The following HMGA2 variants were observed in gnomAD, a reference collection of about 807,000 sequenced individuals.
The protein encoded by HMGA2 is high mobility group AT-hook 2, also known as high mobility group protein HMGI-C.
In HMGA2, 8 loss-of-function variants were observed where a neutral mutation model predicts 19.1. The observed-to-expected ratio is 0.42, with a 90% CI of 0.25 to 0.76. The LOEUF (loss-of-function observed/expected upper bound fraction) is 0.76, where lower values mean the gene tolerates loss of function less well. Among genes scored for constraint, HMGA2 ranks in the 30% least tolerant of loss-of-function variants. HMGA2 has a pLI of 0.28. For missense variants in HMGA2, 109 were observed against 136.3 expected, an observed-to-expected ratio of 0.80 and a Z score of 1.00; for synonymous variants, 60 against 48.8, an observed-to-expected ratio of 1.23 and a Z score of -0.96.
rs1465887974 is a variant in HMGA2 at position 65,832,453 on chromosome 12, AT to A, written c.198+4370del. Among the ~76,000 whole-genome samples, 5 of 152,078 alleles carry A rather than the reference AT, an allele frequency of 3.3e-5. No individual in the cohort carries two copies. In the East Asian group the frequency reaches 9.7e-4, roughly 29 times the overall value. On this transcript the variant is annotated intron_variant, in intron 2 of 4. Coordinates refer to ENST00000403681, the MANE Select transcript of HMGA2 (RefSeq NM_003483.6). Reference sequence around the variant, plus strand: ...TTTTATCTCAAGTTCTCAACAGATCATTTTGCTAAGGAGATAGAATATACCA... The same window carrying A: ...TTTTATCTCAAGTTCTCAACAGATCATTTGCTAAGGAGATAGAATATACCA...
chr12:65,917,687 A>T (rs893284090), intron 3 of HMGA2, among the ~76,000 whole-genome samples: 1 of 152,212 alleles, frequency 6.6e-6, no homozygotes, highest in African/African-American at 2.4e-5. Context: ...AGGAAAGAGC[A>T]GTAAGAACTG....
At chr12:65,912,141 C>T (rs2121214613) in intron 3 of HMGA2, among the ~76,000 whole-genome samples, 1 of 152,152 alleles carries the variant, frequency 6.6e-6, no homozygotes, top group South Asian at 2.1e-4. Context: ...AGTTTGCAAC[C>T]CTTACCATAC....
intron 4 of HMGA2, chr12:65,956,323 G>A (rs1351297060): frequency 3.9e-5 from 6 of 152,162 alleles, no homozygotes; most frequent in Non-Finnish European, 8.8e-5. Context: ...TAAGTTGCAC[G>A]GTTTTGTTGT....
intron 3 of HMGA2, among the ~76,000 whole-genome samples, chr12:65,894,221 C>T (rs1788727849): frequency 6.6e-6 from 1 of 152,170 alleles, no homozygotes; most frequent in Non-Finnish European, 1.5e-5. Context: ...TTTTAAAACT[C>T]TACCATCTGC....
chr12:65,878,474 T>A (rs558759540), intron 3 of HMGA2, among the ~76,000 whole-genome samples: 1 of 152,362 alleles, frequency 6.6e-6, no homozygotes, highest in East Asian at 1.9e-4. Flanking sequence ...ACACTTTTTC[T>A]TTTGGGTCAT....
chr12:65,882,192 T>A (rs750071694), intron 3 of HMGA2: 7 of 356,900 alleles, frequency 2.0e-5, no homozygotes, highest in Non-Finnish European at 3.3e-5. Context: ...GGTAGGAGGA[T>A]CATGTGCTGC....
intron 3 of HMGA2, among the ~76,000 whole-genome samples, chr12:65,869,900 G>C (rs1327451181): frequency 6.6e-6 from 1 of 152,048 alleles, no homozygotes; most frequent in Non-Finnish European, 1.5e-5. Flanking sequence ...AGACTCTAAA[G>C]TCCATGATTT....
At chr12:65,906,025 C>T (rs953409598) in intron 3 of HMGA2, among the ~76,000 whole-genome samples, 1 of 152,140 alleles carries the variant, frequency 6.6e-6, no homozygotes, top group Non-Finnish European at 1.5e-5. Flanking sequence ...CTTAAAACAG[C>T]GAACAAGCTG....
At chr12:65,954,166 A>G (rs1446962058) in intron 4 of HMGA2, 2 of 152,202 alleles carry the variant, frequency 1.3e-5, no homozygotes, top group Admixed American at 1.3e-4. Flanking sequence ...TCCCAAGAAC[A>G]TTACAAGAGA....
At chr12:65,848,816 A>T (rs1182268377) in intron 3 of HMGA2, among the ~76,000 whole-genome samples, 1 of 152,106 alleles carries the variant, frequency 6.6e-6, no homozygotes, top group Admixed American at 6.5e-5. Flanking sequence ...AGATTGCGCC[A>T]CTGCAGTCCG....
intron 3 of HMGA2, among the ~76,000 whole-genome samples, chr12:65,863,738 G>A (rs916846555): frequency 1.3e-5 from 2 of 152,184 alleles, no homozygotes; most frequent in Non-Finnish European, 2.9e-5. Context: ...TCACTGACTA[G>A]GGAATGTTGT....
rs982321099 is a variant in HMGA2 at position 65,848,771 on chromosome 12, G to A, written c.249+10202G>A. ...CTCGGGAGGCTGAGGCAGGAGAATG[G>A]CGTGAACCCGGGAGGCGGAGCTTGC... is the stretch of plus-strand genomic sequence containing the variant. On this transcript the variant is annotated intron_variant, in intron 3 of 4. Coordinates refer to ENST00000403681, the MANE Select transcript of HMGA2 (RefSeq NM_003483.6). 4.9e-4 allele frequency among the ~76,000 whole-genome samples: 74 copies of A among 152,240 alleles called. 1 individual carries two copies. The highest frequency in any genetic ancestry group is 1.7e-3 in the African/African-American group (70 of 41,532).
intron 3 of HMGA2, among the ~76,000 whole-genome samples, chr12:65,941,680 T>C (rs1876096135): frequency 6.6e-6 from 1 of 152,216 alleles, no homozygotes; most frequent in South Asian, 2.1e-4. Flanking sequence ...AAAATCATGA[T>C]TCAGCTTTTT....
At chr12:65,870,902 G>T (rs1419138390) in intron 3 of HMGA2, among the ~76,000 whole-genome samples, 1 of 152,184 alleles carries the variant, frequency 6.6e-6, no homozygotes, top group African/African-American at 2.4e-5. Context: ...TGAGGGGGTG[G>T]ATGTGGACAG....
chr12:65,893,580 G>C (rs1275540303), intron 3 of HMGA2, among the ~76,000 whole-genome samples: 2 of 152,158 alleles, frequency 1.3e-5, no homozygotes, highest in Admixed American at 1.3e-4. Flanking sequence ...AAACATTGTA[G>C]GGTTTCAGAG....
At chr12:65,865,290 G>C (rs1241816503) in intron 3 of HMGA2, among the ~76,000 whole-genome samples, 1 of 152,082 alleles carries the variant, frequency 6.6e-6, no homozygotes, top group Non-Finnish European at 1.5e-5. Context: ...ATTTTTGTTG[G>C]ATTTCTGACT....
intron 3 of HMGA2, among the ~76,000 whole-genome samples, chr12:65,937,894 A>G (rs991987239): frequency 2.0e-5 from 3 of 152,172 alleles, no homozygotes; most frequent in African/African-American, 7.2e-5. Context: ...CAGCACAGAG[A>G]ATAGTAAAAT....
intron 3 of HMGA2, among the ~76,000 whole-genome samples, chr12:65,944,104 T>C (rs2121297254): frequency 6.6e-6 from 1 of 152,282 alleles, no homozygotes; most frequent in South Asian, 2.1e-4. Context: ...TCCTTCAAAC[T>C]TCAGATATAT....
chr12:65,922,260 GC>G (rs1875342050), intron 3 of HMGA2, among the ~76,000 whole-genome samples: 1 of 152,160 alleles, frequency 6.6e-6, no homozygotes, highest in Admixed American at 6.5e-5. Flanking sequence ...CTCAACACCA[GC>G]CCATGAAAGC....
Sources: allele counts gnomAD v4.1 joint callset (sites outside exome capture counted in the v4.1 genomes callset), GRCh38; gene constraint gnomAD v4.1.1; transcripts MANE v1.5; gene names NCBI Gene and HGNC (gene_info 2026-07-23, HGNC 2026-07-21).